Variants in MAMLD1 observed in about 807,000 individuals in gnomAD.
MAMLD1 encodes the protein mastermind like domain containing 1.
In MAMLD1, 14 loss-of-function variants were observed where a neutral mutation model predicts 45.0. The ratio of observed to expected loss-of-function variants is 0.31; its 90% confidence interval spans 0.21 to 0.49. The LOEUF is 0.49. Among genes scored for constraint, MAMLD1 ranks in the 20% least tolerant of loss-of-function variants. The pLI is 0.99. For synonymous variants in MAMLD1, 254 were observed against 247.8 expected, an observed-to-expected ratio of 1.02 and a Z score of -0.24; for missense variants, 543 against 603.6, an observed-to-expected ratio of 0.90 and a Z score of 1.05.
intron 1 of MAMLD1, among the ~76,000 whole-genome samples, chrX:150,418,621 G>T (rs1248949541): frequency 1.0e-5 from 1 of 97,226 alleles, no homozygotes; most frequent in Non-Finnish European, 2.1e-5. Context: ...GCGTCCCAGA[G>T]ATTCTGGTAT....
intron 5 of MAMLD1, among the ~76,000 whole-genome samples, chrX:150,495,040 T>A (rs1467570291): frequency 8.9e-6 from 1 of 111,989 alleles, no homozygotes; most frequent in Non-Finnish European, 1.9e-5. Context: ...ATCCTGTCTC[T>A]ACTAAAAATA....
intron 2 of MAMLD1, among the ~76,000 whole-genome samples, chrX:150,453,415 A>G (rs2035731694): frequency 9.0e-6 from 1 of 111,358 alleles, no homozygotes; most frequent in Non-Finnish European, 1.9e-5. Flanking sequence ...TCATTTGTTT[A>G]CCCTAACAAA....
intron 5 of MAMLD1, among the ~76,000 whole-genome samples, chrX:150,491,582 G>A (rs1005086772): frequency 1.8e-5 from 2 of 112,418 alleles, no homozygotes; most frequent in African/African-American, 6.5e-5. Flanking sequence ...TCAAGGAATG[G>A]AGGACCACAA....
chrX:150,378,615 T>C (rs1746307454), intron 1 of MAMLD1, among the ~76,000 whole-genome samples: 1 of 112,271 alleles, frequency 8.9e-6, no homozygotes, highest in African/African-American at 3.2e-5. Context: ...CCATCATCCA[T>C]TCTACATTTA....
In MAMLD1 at chrX:150,382,895, T is replaced by TA. The variant is rs1569564433; in HGVS notation, c.-64+19365_-64+19366insA. On this transcript the variant is annotated intron_variant, in intron 1 of 7. Transcript: ENST00000370401. ...GTCCCATTTTATTTTATTTTTTTTT[T>TA]TTTTTATTTTTTATTTTTTTTTTTT... Among the ~76,000 whole-genome samples the TA allele has an allele frequency of 3.1e-4, 6 of 19,394 alleles. 3 individuals are homozygous for TA. The African/African-American group carries it at 3.3e-3, about 11-fold the overall frequency. The allele number at this position is 19,394 out of a possible 115,157, so 16.8% of individuals were successfully genotyped here.
intron 3 of MAMLD1, among the ~76,000 whole-genome samples, chrX:150,464,742 T>C (rs964694167): frequency 1.8e-5 from 2 of 112,157 alleles, no homozygotes; most frequent in East Asian, 5.6e-4. Context: ...TCTTCATTAC[T>C]TTCTTCTGAG....
In MAMLD1 at chrX:150,383,199, C is replaced by T. The variant is rs1297742318; in HGVS notation, c.-64+19669C>T. ...GATTACAGGCGTGAGCCACCGCGCC[C>T]GGCCCTGTCCCATTTTAGAGTAGAG... On this transcript the variant is annotated intron_variant, in intron 1 of 7. Coordinates refer to ENST00000370401, the MANE Select transcript of MAMLD1 (RefSeq NM_005491.5). Among the ~76,000 whole-genome samples the T allele has an allele frequency of 6.4e-5, 2 of 31,224 alleles. 1 individual carries two copies. Among genetic ancestry groups the T allele is most frequent in the Non-Finnish European group, 1.2e-4 (2 of 16,342 alleles). The allele number at this position is 31,224 out of a possible 115,157, so 27.1% of individuals were successfully genotyped here.
At chrX:150,366,205 A>G (rs782102924) in intron 1 of MAMLD1, among the ~76,000 whole-genome samples, 45 of 111,815 alleles carry the variant, frequency 4.0e-4, no homozygotes, top group African/African-American at 1.4e-3. Flanking sequence ...TCTGATGTCG[A>G]CGTTTTATTT....
chrX:150,429,733 T>C (rs1355448340), intron 1 of MAMLD1, among the ~76,000 whole-genome samples: 1 of 111,487 alleles, frequency 9.0e-6, no homozygotes, highest in Non-Finnish European at 1.9e-5. Context: ...AAGTTGCATG[T>C]TGAGTTGTGT....
intron 6 of MAMLD1, among the ~76,000 whole-genome samples, chrX:150,507,726 G>T (rs2037773193): frequency 1.8e-5 from 2 of 112,476 alleles, no homozygotes; most frequent in Admixed American, 9.3e-5. Flanking sequence ...AGACGCCCCA[G>T]CACCCGCTGA....
chrX:150,375,671 C>T (rs1169873054), intron 1 of MAMLD1, among the ~76,000 whole-genome samples: 3 of 112,267 alleles, frequency 2.7e-5, no homozygotes, highest in Non-Finnish European at 3.8e-5. Flanking sequence ...TAAACCAACC[C>T]GATTTGCCAC....
chrX:150,513,105 G>C lies in MAMLD1; in HGVS notation c.*1146G>C. The C allele has an allele frequency of 4.5e-6, 5 of 1,106,204 alleles. No homozygotes were observed. Among genetic ancestry groups the C allele is most frequent in the Non-Finnish European group, 4.8e-6 (4 of 836,812 alleles). 91.2% of individuals were successfully genotyped at this position (1,106,204 alleles called of 1,213,427 possible). On this transcript the variant is annotated 3_prime_UTR_variant, in exon 8 of 8. Transcript: ENST00000370401. ...GCAGGATGCCCATAGAAACCCCCAT[G>C]GTGACATCACTCTAGGAAGTGGTGT...
intron 3 of MAMLD1, among the ~76,000 whole-genome samples, chrX:150,468,878 T>G (rs184710097): frequency 2.7e-5 from 3 of 111,170 alleles, no homozygotes; most frequent in Non-Finnish European, 5.6e-5. Context: ...ATGAAGAGAA[T>G]AGAAAGGGAA....
At chrX:150,504,618 G>T (rs1351351011) in intron 6 of MAMLD1, 5 of 567,804 alleles carry the variant, frequency 8.8e-6, no homozygotes, top group African/African-American at 5.1e-5. Context: ...CGTCCCCTCA[G>T]GATGTCGCTG....
intron 5 of MAMLD1, among the ~76,000 whole-genome samples, chrX:150,489,075 A>T (rs1557407797): frequency 8.9e-6 from 1 of 112,452 alleles, no homozygotes; most frequent in Non-Finnish European, 1.9e-5. Flanking sequence ...AGAAAAATAT[A>T]TCTAGCCCAA....
At chrX:150,441,793 GGC>G (rs2035324157) in intron 1 of MAMLD1, among the ~76,000 whole-genome samples, 2 of 111,120 alleles carry the variant, frequency 1.8e-5, no homozygotes, top group South Asian at 7.5e-4. Context: ...ATTTTATTTA[GGC>G]CTTATTGAAA....
intron 5 of MAMLD1, among the ~76,000 whole-genome samples, chrX:150,494,477 C>G (rs138618243): frequency 1.3e-3 from 146 of 112,582 alleles, no homozygotes; most frequent in African/African-American, 4.4e-3. Flanking sequence ...TTGACAACCC[C>G]CAAGTAGATC....
At chrX:150,421,403 G>A (rs782461939) in intron 1 of MAMLD1, among the ~76,000 whole-genome samples, 18 of 112,723 alleles carry the variant, frequency 1.6e-4, no homozygotes, top group African/African-American at 5.2e-4. Flanking sequence ...CTTCTGCGTC[G>A]CTCACGCTGG....
intron 1 of MAMLD1, among the ~76,000 whole-genome samples, chrX:150,442,485 A>ATTAT (rs1455468964): frequency 9.0e-6 from 1 of 111,502 alleles, no homozygotes; most frequent in African/African-American, 3.3e-5. Flanking sequence ...TAGGTATTAC[A>ATTAT]TTATATATAT....
Sources: gnomAD v4.1 joint callset for allele counts (sites outside exome capture counted in the v4.1 genomes callset) on GRCh38, gnomAD v4.1.1 for gene constraint, MANE v1.5 for transcripts, NCBI Gene and HGNC (gene_info 2026-07-23, HGNC 2026-07-21) for gene names.